Variants in PDE10A observed in about 807,000 individuals in gnomAD.
PDE10A encodes phosphodiesterase 10A, also known as cAMP and cAMP-inhibited cGMP 3',5'-cyclic phosphodiesterase 10A.
PDE10A carries 39 observed loss-of-function variants against 97.7 expected under a neutral mutation model. The ratio of observed to expected loss-of-function variants is 0.40; its 90% CI spans 0.31 to 0.52. PDE10A has a LOEUF of 0.52. Among genes scored for constraint, PDE10A ranks in the 20% least tolerant of loss-of-function variants. The probability of loss-of-function intolerance (pLI) is 0.56; values close to 1 mark genes in which losing one functional copy is unlikely to be tolerated. For missense variants in PDE10A, 731 were observed against 1,047.8 expected (o/e 0.70, Z 4.17); for synonymous variants, 371 against 376.8 (o/e 0.98, Z 0.18).
chr6:165,814,103 A>G (rs574166197), intron 1 of PDE10A, among the ~76,000 whole-genome samples: 1 of 152,326 alleles, frequency 6.6e-6, no homozygotes, highest in South Asian at 2.1e-4. Flanking sequence ...TATGAAATAC[A>G]CGGTATATTA....
At chr6:165,530,508 G>T (rs1292676683) in intron 2 of PDE10A, among the ~76,000 whole-genome samples, 1 of 152,024 alleles carries the variant, frequency 6.6e-6, no homozygotes, top group Non-Finnish European at 1.5e-5. Flanking sequence ...TGAGTACTAT[G>T]CTAACTTCCT....
intron 1 of PDE10A, among the ~76,000 whole-genome samples, chr6:165,857,412 G>A (rs1205652183): frequency 6.6e-6 from 1 of 152,236 alleles, no homozygotes; most frequent in Non-Finnish European, 1.5e-5. Flanking sequence ...GGGTCAGAGA[G>A]AGGAGAATAC....
Position 165,388,469 on chromosome 6 carries a change from T to C in PDE10A, c.2455-16A>G, listed in dbSNP as rs376192332. The C allele has an allele frequency of 5.4e-5, 87 of 1,612,906 alleles. No individual in the cohort carries two copies. Among genetic ancestry groups the C allele is most frequent in the African/African-American group, 2.4e-4 (18 of 74,906 alleles). ...GTCCTTTGCGCTTTAAAAAATAATA[T>C]GATGCAGAGATGCTCAAAACACAGA... On this transcript the variant is annotated splice_polypyrimidine_tract_variant and intron_variant, in intron 16 of 21. Transcript: ENST00000539869. The surrounding 1 kb of genome is among the most constrained non-coding windows in gnomAD (Gnocchi z 4.0).
intron 1 of PDE10A, among the ~76,000 whole-genome samples, chr6:165,875,928 T>C (rs1781333952): frequency 6.6e-6 from 1 of 152,212 alleles, no homozygotes; most frequent in Non-Finnish European, 1.5e-5. Context: ...ATATTCCTGA[T>C]AAAAAGCCCA....
intron 1 of PDE10A, among the ~76,000 whole-genome samples, chr6:165,713,029 G>A (rs1345891944): frequency 1.3e-5 from 2 of 152,192 alleles, no homozygotes; most frequent in South Asian, 2.1e-4. Flanking sequence ...ATGGGCTCAG[G>A]CCCTGTTTCA....
At chr6:165,818,415 G>C (rs1460294391) in intron 1 of PDE10A, among the ~76,000 whole-genome samples, 1 of 152,178 alleles carries the variant, frequency 6.6e-6, no homozygotes. Context: ...GCGACTCTGC[G>C]GGGAGTTGTA....
chr6:165,789,756 T>C (rs1778597799), intron 1 of PDE10A, among the ~76,000 whole-genome samples: 1 of 152,198 alleles, frequency 6.6e-6, no homozygotes, highest in African/African-American at 2.4e-5. Context: ...TCAGTTCTTT[T>C]ATTACTTGCC....
chr6:165,677,945 CGTGT>C (rs914413506), intron 1 of PDE10A, among the ~76,000 whole-genome samples: 1 of 150,450 alleles, frequency 6.6e-6, no homozygotes, highest in Non-Finnish European at 1.5e-5. Context: ...TTTGTATATC[CGTGT>C]GTGTGTTTGT....
intron 3 of PDE10A, among the ~76,000 whole-genome samples, chr6:165,461,356 C>A (rs1415461502): frequency 2.0e-5 from 3 of 152,116 alleles, no homozygotes; most frequent in African/African-American, 7.2e-5. Flanking sequence ...AAACAACCTG[C>A]AGCCTGCTAA....
intron 18 of PDE10A, among the ~76,000 whole-genome samples, chr6:165,347,991 ATAT>A (rs995415165): frequency 5.3e-5 from 8 of 152,188 alleles, no homozygotes; most frequent in Non-Finnish European, 1.2e-4. Context: ...AAAGTGTTTA[ATAT>A]TGTACCCTTT....
intron 8 of PDE10A, among the ~76,000 whole-genome samples, chr6:165,430,579 G>C (rs1789479899): frequency 6.9e-6 from 1 of 143,886 alleles, no homozygotes; most frequent in Non-Finnish European, 1.6e-5. Flanking sequence ...TTATAGGTTT[G>C]GAATTTACAT....
chr6:165,566,870 C>A (rs1372442019), intron 1 of PDE10A, among the ~76,000 whole-genome samples: 15 of 152,174 alleles, frequency 9.9e-5, no homozygotes, highest in South Asian at 6.2e-4. Context: ...TATATCGATA[C>A]AATCACATTG....
intron 3 of PDE10A, among the ~76,000 whole-genome samples, chr6:165,480,652 C>A (rs1297223570): frequency 6.6e-6 from 1 of 152,046 alleles, no homozygotes; most frequent in African/African-American, 2.4e-5. Flanking sequence ...CAAAACAGAA[C>A]TGCCTGAGAG....
chr6:165,772,488 T>G (rs1778040647), intron 1 of PDE10A, among the ~76,000 whole-genome samples: 1 of 152,186 alleles, frequency 6.6e-6, no homozygotes, highest in East Asian at 1.9e-4. Context: ...CGCTGTGGCC[T>G]TCTCTCCTCT....
intron 1 of PDE10A, among the ~76,000 whole-genome samples, chr6:165,791,066 T>C (rs911909454): frequency 3.9e-5 from 6 of 152,030 alleles, no homozygotes; most frequent in Admixed American, 6.5e-5. Flanking sequence ...CGCCTCAGCT[T>C]CCTAAGTAGC....
chr6:165,501,732 A>T (rs1166033551), intron 2 of PDE10A, among the ~76,000 whole-genome samples: 1 of 152,206 alleles, frequency 6.6e-6, no homozygotes. Context: ...ATTTTCCCCA[A>T]ATTGATCTGT....
intron 1 of PDE10A, among the ~76,000 whole-genome samples, chr6:165,726,886 A>C (rs973953217): frequency 6.6e-6 from 1 of 152,236 alleles, no homozygotes; most frequent in Non-Finnish European, 1.5e-5. Flanking sequence ...ACTCGTGACC[A>C]AACTAAAGAT....
chr6:165,956,748 T>A (rs1025205410), intron 1 of PDE10A, among the ~76,000 whole-genome samples: 2 of 152,196 alleles, frequency 1.3e-5, no homozygotes, highest in Non-Finnish European at 2.9e-5. Flanking sequence ...CTCTGACATG[T>A]GGAGCACAGG....
intron 1 of PDE10A, among the ~76,000 whole-genome samples, chr6:165,867,766 A>G (rs1188203984): frequency 1.3e-5 from 2 of 152,230 alleles, no homozygotes; most frequent in African/African-American, 4.8e-5. Context: ...AGGACAGACC[A>G]TATGTTAGGC....
Sources: allele counts gnomAD v4.1 joint callset (sites outside exome capture counted in the v4.1 genomes callset), GRCh38; gene constraint gnomAD v4.1.1; non-coding constraint Gnocchi (gnomAD v3.1); transcripts MANE v1.5; gene names NCBI Gene and HGNC (gene_info 2026-07-23, HGNC 2026-07-21).